ASXL2: variants seen among roughly 807,000 people sequenced by gnomAD.
The protein encoded by ASXL2 is ASXL transcriptional regulator 2, also known as putative Polycomb group protein ASXL2.
A neutral mutation model predicts 122.0 loss-of-function variants in ASXL2; 23 were observed. The ratio of observed to expected loss-of-function variants is 0.19; its 90% CI spans 0.14 to 0.27. The LOEUF (loss-of-function observed/expected upper bound fraction) is 0.27, where lower values mean the gene tolerates loss of function less well. ASXL2 is among the 10% of genes least tolerant of loss of function. The pLI, the probability that ASXL2 is intolerant of heterozygous loss-of-function variation, is 1.00. For synonymous variants in ASXL2, 650 were observed against 637.0 expected (o/e 1.02, Z -0.31); for missense variants, 1,518 against 1,713.8 (o/e 0.89, Z 2.02).
At chr2:25,780,578 G>A (rs1438216718) in intron 5 of ASXL2, among the ~76,000 whole-genome samples, 1 of 152,168 alleles carries the variant, frequency 6.6e-6, no homozygotes, top group African/African-American at 2.4e-5. Context: ...ACTCTGAAGT[G>A]AGGCCCAGGA....
intron 5 of ASXL2, among the ~76,000 whole-genome samples, chr2:25,783,394 T>A (rs1206394747): frequency 6.6e-6 from 1 of 151,322 alleles, no homozygotes; most frequent in Non-Finnish European, 1.5e-5. Context: ...ATACTCATGG[T>A]TTTTTCCTTT....
intron 4 of ASXL2, 72 bp from the exon 5 acceptor site, chr2:25,799,607 G>A: frequency 6.7e-7 from 1 of 1,500,184 alleles, no homozygotes; most frequent in Non-Finnish European, 8.9e-7. Context: ...CTTCTGATAT[G>A]CAATGTTGCA....
chr2:25,765,136 G>A (rs937646419), intron 8 of ASXL2, among the ~76,000 whole-genome samples: 7 of 152,078 alleles, frequency 4.6e-5, no homozygotes, highest in Non-Finnish European at 1.0e-4. Context: ...ATATAAATTA[G>A]CTAATTTAGT....
rs1449642709 is a variant in ASXL2 at position 25,872,111 on chromosome 2, T to A, written c.57+6055A>T. 2.0e-5 allele frequency among the ~76,000 whole-genome samples: 3 copies of A among 152,194 alleles called. No individual in the cohort carries two copies. In the East Asian group the frequency reaches 5.8e-4, roughly 29 times the overall value. The stretch of plus-strand genomic sequence containing the variant: ...CCCAAAGAGCTACATAAATTAAAAA[T>A]TAGCAGGGCACAGTGGCTCACGCCT... On this transcript the variant is annotated intron_variant, in intron 1 of 12. Transcript: ENST00000435504.
At position 25,795,802 on chromosome 2, in the gene ASXL2, AATG is replaced by A. The variant is rs151256942; in HGVS notation, c.403+3580_403+3582del. Among the ~76,000 whole-genome samples, 602 of 152,240 alleles carry A rather than the reference AATG, an allele frequency of 4.0e-3. 5 individuals are homozygous for A. Among genetic ancestry groups the A allele is most frequent in the African/African-American group, 0.013 (557 of 41,536 alleles). On this transcript the variant is annotated intron_variant, in intron 5 of 12. Coordinates refer to ENST00000435504, the MANE Select transcript of ASXL2 (RefSeq NM_018263.6). ...AAAAAATTAAAATAAAAAAAAATAAAATGAGGAGAAGCAGGGGATAGAGACAGC... is the reference window on the plus strand; with the variant it reads ...AAAAAATTAAAATAAAAAAAAATAAAAGGAGAAGCAGGGGATAGAGACAGC...
rs1323024946 is a variant in ASXL2, at chr2:25,735,328, G to A, written c.*6701C>T. ...AGGACACTCATCCTCCTGGTTCCTG[G>A]ACAGAGACTACGTTACATAGTGGAA... is the stretch of plus-strand genomic sequence containing the variant. On this transcript the variant is annotated 3_prime_UTR_variant, in exon 13 of 13. Coordinates refer to ENST00000435504, the MANE Select transcript of ASXL2 (RefSeq NM_018263.6). The A allele has an allele frequency of 6.6e-6, 1 of 152,170 alleles. No individual in the cohort carries two copies. Among genetic ancestry groups the A allele is most frequent in the Non-Finnish European group, 1.5e-5 (1 of 68,034 alleles). The allele number at this position is 152,170 out of a possible 1,614,324, so 9.4% of individuals were successfully genotyped here.
At chr2:25,843,500 T>C (rs959635965) in intron 2 of ASXL2, among the ~76,000 whole-genome samples, 1 of 152,152 alleles carries the variant, frequency 6.6e-6, no homozygotes, top group Non-Finnish European at 1.5e-5. Flanking sequence ...AGGGATGTGT[T>C]ATATAAAGTA....
intron 8 of ASXL2, among the ~76,000 whole-genome samples, chr2:25,765,441 G>A (rs1392705708): frequency 3.3e-5 from 5 of 151,784 alleles, no homozygotes; most frequent in Admixed American, 1.3e-4. Context: ...AGCCGAGATC[G>A]GGCCACTGCA....
At chr2:25,749,465 T>A (rs2088000939) in intron 12 of ASXL2, among the ~76,000 whole-genome samples, 1 of 152,216 alleles carries the variant, frequency 6.6e-6, no homozygotes, top group Non-Finnish European at 1.5e-5. Flanking sequence ...TTACATTAGA[T>A]GCCCAGGTAC....
intron 5 of ASXL2, among the ~76,000 whole-genome samples, chr2:25,785,023 A>G (rs981870428): frequency 7.2e-5 from 11 of 152,202 alleles, no homozygotes; most frequent in Non-Finnish European, 1.0e-4. Context: ...AGGCTAATAG[A>G]ATTTTTCCCC....
At chr2:25,822,545 T>C (rs112347513) in intron 3 of ASXL2, 2 of 492,668 alleles carry the variant, frequency 4.1e-6, no homozygotes, top group Admixed American at 2.6e-5. Context: ...AGTAAGGATG[T>C]TCATGTAAAT....
intron 2 of ASXL2, among the ~76,000 whole-genome samples, chr2:25,842,717 T>A (rs529375297): frequency 4.6e-5 from 7 of 151,092 alleles, no homozygotes; most frequent in African/African-American, 1.7e-4. Context: ...GATAGATAGA[T>A]AGATAGATGT....
intron 2 of ASXL2, among the ~76,000 whole-genome samples, chr2:25,839,006 G>A (rs2089546695): frequency 6.6e-6 from 1 of 151,920 alleles, no homozygotes; most frequent in African/African-American, 2.4e-5. Flanking sequence ...TGAGAATAGG[G>A]GTTCCTTAAA....
chr2:25,753,446 G>A (rs1334338773), intron 11 of ASXL2, 88 bp downstream of exon 11: 6 of 887,334 alleles, frequency 6.8e-6, no homozygotes, highest in Non-Finnish European at 9.9e-6. Flanking sequence ...CTGGGGCCTA[G>A]ATTTTCTGAG....
chr2:25,802,063 T>C (rs1331371509), intron 4 of ASXL2, among the ~76,000 whole-genome samples: 2 of 152,246 alleles, frequency 1.3e-5, no homozygotes, highest in African/African-American at 4.8e-5. Context: ...CAATTTACTC[T>C]ACTTTCAAGT....
chr2:25,771,388 C>A, intron 6 of ASXL2, 52 bp downstream of exon 6: 2 of 1,500,860 alleles, frequency 1.3e-6, no homozygotes, highest in South Asian at 2.4e-5. Flanking sequence ...CAGAGGTGTG[C>A]GTTTTAAATA....
intron 5 of ASXL2, among the ~76,000 whole-genome samples, chr2:25,782,133 T>C (rs570411463): frequency 3.9e-5 from 6 of 152,202 alleles, no homozygotes; most frequent in African/African-American, 1.2e-4. Flanking sequence ...ACTGATTCTT[T>C]TGTGTTTGTC....
intron 5 of ASXL2, among the ~76,000 whole-genome samples, chr2:25,792,446 C>T (rs2088849597): frequency 6.6e-6 from 1 of 151,936 alleles, no homozygotes. Flanking sequence ...ATTTTTTTGT[C>T]TAATTAGAAA....
Position 25,744,471 on chromosome 2 carries a change from C to T in ASXL2, c.1866G>A (p.Pro622=), listed in dbSNP as rs372643334. ...QVRKVPPLKI[P]VSRISPMPFH... ...ACGGCATGGGGGAGATTCTGGAGAC[C>T]GGGATCTGAAAGAAGTAGAGGGGAA... Residue 622 remains proline (P), a synonymous_variant, in exon 13 of 13, where the codon CCG becomes CCA. Coordinates refer to ENST00000435504, the MANE Select transcript of ASXL2 (RefSeq NM_018263.6). This position sits in a 1 kb window ranked among gnomAD's most constrained non-coding sequence, Gnocchi z 4.7. 25 of 1,589,956 alleles carry T rather than the reference C, an allele frequency of 1.6e-5. No individual in the cohort carries two copies. The highest frequency in any genetic ancestry group is 1.7e-4 in the Middle Eastern group (1 of 5,952).
Sources: gnomAD v4.1 joint callset for allele counts (sites outside exome capture counted in the v4.1 genomes callset) on GRCh38, gnomAD v4.1.1 for gene constraint, Gnocchi (gnomAD v3.1) non-coding constraint, MANE v1.5 for transcripts, NCBI Gene and HGNC (gene_info 2026-07-23, HGNC 2026-07-21) for gene names.